The following RNF150 variants were observed in gnomAD, a reference collection of about 807,000 sequenced individuals.
RNF150 encodes ring finger protein 150.
A neutral mutation model predicts 39.3 loss-of-function variants in RNF150; 24 were observed. The observed-to-expected ratio is 0.61, with a 90% confidence interval of 0.44 to 0.86. The LOEUF (loss-of-function observed/expected upper bound fraction) is 0.86, where lower values mean the gene tolerates loss of function less well. Among genes scored for constraint, RNF150 ranks in the 40% least tolerant of loss-of-function variants. RNF150 has a pLI of 0.00. For missense variants in RNF150, 502 were observed against 587.8 expected (o/e 0.85, Z 1.51); for synonymous variants, 255 against 227.3 (o/e 1.12, Z -1.10).
chr4:140,917,109 C>G (rs1172939171), intron 5 of RNF150, among the ~76,000 whole-genome samples: 1 of 152,152 alleles, frequency 6.6e-6, no homozygotes, highest in Non-Finnish European at 1.5e-5. Flanking sequence ...TAAAGACCAT[C>G]AAGGCTAGGA....
chr4:141,056,008 A>G (rs1736952350), intron 1 of RNF150, among the ~76,000 whole-genome samples: 1 of 152,214 alleles, frequency 6.6e-6, no homozygotes, highest in Admixed American at 6.5e-5. Flanking sequence ...CCAGAGCAGT[A>G]CATAATTTAG....
chr4:140,903,104 G>T (rs1332716652), intron 6 of RNF150, among the ~76,000 whole-genome samples: 1 of 152,158 alleles, frequency 6.6e-6, no homozygotes, highest in Non-Finnish European at 1.5e-5. Context: ...GGCCTGAAAA[G>T]GATCTTAGAA....
chr4:140,915,808 A>C (rs1730799306), intron 5 of RNF150, among the ~76,000 whole-genome samples: 1 of 152,180 alleles, frequency 6.6e-6, no homozygotes. Context: ...GTAGGGGCGG[A>C]CTGACACCTC....
chr4:141,094,830 CAT>C (rs1246853866), intron 1 of RNF150, among the ~76,000 whole-genome samples: 5 of 152,224 alleles, frequency 3.3e-5, no homozygotes, highest in Admixed American at 6.5e-5. Context: ...CATTGGTAAA[CAT>C]ATGTGACAGT....
At chr4:141,207,680 C>G (rs1269813044) in intron 1 of RNF150, among the ~76,000 whole-genome samples, 3 of 152,156 alleles carry the variant, frequency 2.0e-5, no homozygotes, top group Non-Finnish European at 1.5e-5. Flanking sequence ...AAGAGAAAGC[C>G]TACCCAGACT....
chr4:140,896,733 A>AAGAG (rs1729973683), intron 6 of RNF150, among the ~76,000 whole-genome samples: 3 of 143,002 alleles, frequency 2.1e-5, no homozygotes, highest in Non-Finnish European at 4.6e-5. Flanking sequence ...AAAAAAAATA[A>AAGAG]TTTTTTTTCT....
intron 4 of RNF150, among the ~76,000 whole-genome samples, chr4:140,931,780 C>T (rs1228515443): frequency 6.6e-6 from 1 of 152,188 alleles, no homozygotes; most frequent in Non-Finnish European, 1.5e-5. Context: ...TTCAAACACC[C>T]GAAAACAGAG....
intron 1 of RNF150, among the ~76,000 whole-genome samples, chr4:141,060,149 T>A (rs1737157145): frequency 6.6e-6 from 1 of 152,306 alleles, no homozygotes; most frequent in Admixed American, 6.5e-5. Context: ...AAGTATTAAA[T>A]AAAATTTATG....
At chr4:140,926,815 G>C (rs1731414913) in intron 4 of RNF150, among the ~76,000 whole-genome samples, 1 of 152,182 alleles carries the variant, frequency 6.6e-6, no homozygotes. Context: ...GGAACTCCTT[G>C]AGTCAGAAGC....
At chr4:140,920,627 G>T (rs552807266) in intron 5 of RNF150, among the ~76,000 whole-genome samples, 3 of 148,982 alleles carry the variant, frequency 2.0e-5, no homozygotes, top group Non-Finnish European at 3.0e-5. Flanking sequence ...AAGTCGGTGT[G>T]GCGATTCCTC....
rs527502235 is a variant in RNF150 at position 141,021,208 on chromosome 4, T to C, written c.485-53335A>G. On this transcript the variant is annotated intron_variant, in intron 1 of 6. Coordinates refer to ENST00000515673, the MANE Select transcript of RNF150 (RefSeq NM_020724.2). ...AGAGGCTGAGGAACCCAATTAGGTA[T>C]CAAGCAGGGGATTCTGGCTAAGCCA... Among the ~76,000 whole-genome samples the C allele has an allele frequency of 8.5e-5, 13 of 152,164 alleles. No individual in the cohort carries two copies. The South Asian group carries it at 1.5e-3, about 17-fold the overall frequency.
intron 1 of RNF150, among the ~76,000 whole-genome samples, chr4:141,152,727 G>C (rs540555202): frequency 6.6e-6 from 1 of 152,198 alleles, no homozygotes; most frequent in East Asian, 1.9e-4. Flanking sequence ...ATAAAAGCTG[G>C]GGTGTGCAAT....
intron 1 of RNF150, among the ~76,000 whole-genome samples, chr4:141,205,565 T>G (rs1224085690): frequency 6.6e-6 from 1 of 152,166 alleles, no homozygotes; most frequent in Non-Finnish European, 1.5e-5. Flanking sequence ...AGCACAAATA[T>G]GTTCCAGGGT....
intron 1 of RNF150, among the ~76,000 whole-genome samples, chr4:141,142,700 C>T (rs566042709): frequency 5.9e-5 from 9 of 152,188 alleles, no homozygotes; most frequent in Admixed American, 1.3e-4. Context: ...CGGTTGACCA[C>T]GGCCTCCTGT....
intron 6 of RNF150, among the ~76,000 whole-genome samples, chr4:140,879,267 A>G (rs1438265262): frequency 6.6e-6 from 1 of 152,222 alleles, no homozygotes. Flanking sequence ...TCCACACAAA[A>G]AAAATGCCAT....
intron 6 of RNF150, among the ~76,000 whole-genome samples, chr4:140,892,806 AATCCCAG>A (rs1366714826): frequency 6.6e-6 from 1 of 152,196 alleles, no homozygotes. Flanking sequence ...TCATGCCTGT[AATCCCAG>A]CACTTGGGAG....
intron 1 of RNF150, among the ~76,000 whole-genome samples, chr4:141,048,351 A>T (rs1170930570): frequency 6.6e-6 from 1 of 152,204 alleles, no homozygotes; most frequent in Non-Finnish European, 1.5e-5. Context: ...AATGATACAA[A>T]AATAGTGTTA....
chr4:141,197,110 T>C (rs2111210529), intron 1 of RNF150, among the ~76,000 whole-genome samples: 1 of 152,362 alleles, frequency 6.6e-6, no homozygotes, highest in East Asian at 1.9e-4. Flanking sequence ...ATCTGAGTTG[T>C]AGCTTTTGTT....
At chr4:140,963,334 C>T (rs1733111147) in intron 2 of RNF150, among the ~76,000 whole-genome samples, 1 of 151,966 alleles carries the variant, frequency 6.6e-6, no homozygotes, top group Non-Finnish European at 1.5e-5. Flanking sequence ...CAGCTAATTC[C>T]AGTGCTATTT....
Sources: allele counts gnomAD v4.1 joint callset (sites outside exome capture counted in the v4.1 genomes callset), GRCh38; gene constraint gnomAD v4.1.1; transcripts MANE v1.5; gene names NCBI Gene and HGNC (gene_info 2026-07-23, HGNC 2026-07-21).